Variants in HCN1 observed in about 807,000 individuals in gnomAD.
The protein encoded by HCN1 is potassium/sodium hyperpolarization-activated cyclic nucleotide-gated channel 1.
Under a neutral mutation model 78.9 loss-of-function variants are expected in HCN1, and 13 were observed. The ratio of observed to expected loss-of-function variants is 0.16; its 90% confidence interval spans 0.11 to 0.26. The LOEUF is 0.26. HCN1 is among the 10% of genes least tolerant of loss of function. The pLI is 1.00. For missense variants in HCN1, 810 were observed against 1,154.3 expected (o/e 0.70, Z 4.32); for synonymous variants, 552 against 455.5 (o/e 1.21, Z -2.70).
At chr5:45,360,188 A>G (rs142646718) in intron 4 of HCN1, among the ~76,000 whole-genome samples, 2 of 151,744 alleles carry the variant, frequency 1.3e-5, no homozygotes, top group African/African-American at 4.8e-5. Flanking sequence ...CAATGCTAAA[A>G]TGGTTTCTGA....
chr5:45,255,442 C>A lies in HCN1; in HGVS notation c.*6479G>T, dbSNP rs1469871740. ...GGGGATCTTGCCCAAAAGCGGACTT[C>A]TGTAGGTACAGGGTAAGGCCAAGGA... On this transcript the variant is annotated 3_prime_UTR_variant, in exon 8 of 8. Transcript: ENST00000303230. 1 of 152,198 alleles carries A rather than the reference C, an allele frequency of 6.6e-6. No individual in the cohort carries two copies. Among genetic ancestry groups the A allele is most frequent in the Non-Finnish European group, 1.5e-5 (1 of 68,056 alleles). 9.4% of individuals were successfully genotyped at this position (152,198 alleles called of 1,614,324 possible).
At chr5:45,396,838 A>G (rs1739697237) in intron 3 of HCN1, 128 bp from the exon 4 acceptor site, 5 of 742,338 alleles carry the variant, frequency 6.7e-6, no homozygotes, top group Non-Finnish European at 7.3e-6. Flanking sequence ...TGGAGCATTT[A>G]CAAATGTACT....
At position 45,501,436 on chromosome 5, in the gene HCN1, G is replaced by A. The variant is rs368087610; in HGVS notation, c.850-39429C>T. On this transcript the variant is annotated intron_variant, in intron 2 of 7. Coordinates refer to ENST00000303230, the MANE Select transcript of HCN1 (RefSeq NM_021072.4). ...CTGAAACAAATTTCACTTTTTTTTTGTTTGTTTTGTTTTTTGAGACGGAGT... is the reference window on the plus strand; with the variant it reads ...CTGAAACAAATTTCACTTTTTTTTTATTTGTTTTGTTTTTTGAGACGGAGT... 8.0e-5 allele frequency among the ~76,000 whole-genome samples: 12 copies of A among 150,232 alleles called. 1 individual carries two copies. Among genetic ancestry groups the A allele is most frequent in the African/African-American group, 2.7e-4 (11 of 40,962 alleles).
intron 2 of HCN1, among the ~76,000 whole-genome samples, chr5:45,588,266 G>C (rs1744280746): frequency 6.6e-6 from 1 of 152,122 alleles, no homozygotes; most frequent in Non-Finnish European, 1.5e-5. Context: ...TACACTAGAA[G>C]ACACAATGAA....
At chr5:45,654,676 T>A (rs533563538) in intron 1 of HCN1, among the ~76,000 whole-genome samples, 1 of 152,266 alleles carries the variant, frequency 6.6e-6, no homozygotes, top group African/African-American at 2.4e-5. Flanking sequence ...ATGACACATA[T>A]ATTGAAGACA....
chr5:45,687,588 T>C (rs180783415), intron 1 of HCN1, among the ~76,000 whole-genome samples: 15 of 152,300 alleles, frequency 9.8e-5, no homozygotes, highest in Non-Finnish European at 1.8e-4. Context: ...TTTATGAAGA[T>C]ATCATTTGTG....
intron 1 of HCN1, among the ~76,000 whole-genome samples, chr5:45,661,096 C>CA (rs1247108367): frequency 9.5e-5 from 14 of 147,928 alleles, no homozygotes; most frequent in African/African-American, 1.5e-4. Context: ...GAAATTATAA[C>CA]AAACTGTCTC....
intron 4 of HCN1, among the ~76,000 whole-genome samples, chr5:45,365,665 C>A (rs1168541415): frequency 6.6e-6 from 1 of 151,810 alleles, no homozygotes; most frequent in Non-Finnish European, 1.5e-5. Flanking sequence ...GTGCAGGTGT[C>A]TTTTTTATAC....
chr5:45,275,741 C>T (rs759836980), intron 6 of HCN1, among the ~76,000 whole-genome samples: 10 of 152,066 alleles, frequency 6.6e-5, no homozygotes, highest in Non-Finnish European at 1.3e-4. Context: ...CGTGTTAGCC[C>T]ATGTGACATA....
chr5:45,422,466 T>C (rs985541314), intron 3 of HCN1, among the ~76,000 whole-genome samples: 2 of 152,186 alleles, frequency 1.3e-5, no homozygotes, highest in Non-Finnish European at 2.9e-5. Flanking sequence ...TCTACCCTCA[T>C]AACTCACTTA....
At chr5:45,553,550 T>G (rs958943074) in intron 2 of HCN1, among the ~76,000 whole-genome samples, 1 of 151,878 alleles carries the variant, frequency 6.6e-6, no homozygotes, top group Admixed American at 6.6e-5. Flanking sequence ...CCCCCACCCA[T>G]AGGGTATTGG....
intron 1 of HCN1, among the ~76,000 whole-genome samples, chr5:45,650,336 C>A (rs1745651785): frequency 6.6e-6 from 1 of 152,030 alleles, no homozygotes; most frequent in Non-Finnish European, 1.5e-5. Flanking sequence ...ACTGGAATCT[C>A]TGTGGTATCC....
intron 6 of HCN1, among the ~76,000 whole-genome samples, chr5:45,285,070 C>A (rs1297806513): frequency 6.6e-6 from 1 of 151,978 alleles, no homozygotes; most frequent in Non-Finnish European, 1.5e-5. Context: ...TGGAGAGATT[C>A]CAGATCATCA....
chr5:45,297,984 GA>G (rs34697538), intron 6 of HCN1, among the ~76,000 whole-genome samples: 3 of 150,846 alleles, frequency 2.0e-5, no homozygotes, highest in Non-Finnish European at 4.4e-5. Flanking sequence ...AAGAACATCT[GA>G]AAAAAAAACT....
At position 45,488,563 on chromosome 5, in the gene HCN1, G is replaced by A. The variant is rs552981576; in HGVS notation, c.850-26556C>T. On this transcript the variant is annotated intron_variant, in intron 2 of 7. Transcript: ENST00000303230. ...GCTTTAAAAGATATACGGCATTTTCGTATTTTCATAAAATATATTGAAATG... is the reference window on the plus strand; with the variant it reads ...GCTTTAAAAGATATACGGCATTTTCATATTTTCATAAAATATATTGAAATG... Among the ~76,000 whole-genome samples the A allele has an allele frequency of 1.8e-3, 273 of 151,996 alleles. 2 individuals are homozygous for A. The highest frequency in any genetic ancestry group is 3.4e-3 in the Middle Eastern group (1 of 292).
At chr5:45,329,695 C>A (rs1746307043) in intron 5 of HCN1, among the ~76,000 whole-genome samples, 1 of 151,256 alleles carries the variant, frequency 6.6e-6, no homozygotes, top group Admixed American at 6.6e-5. Flanking sequence ...TTTAAATTAA[C>A]ACTATTTATG....
intron 2 of HCN1, among the ~76,000 whole-genome samples, chr5:45,547,837 T>C (rs1000700498): frequency 6.6e-6 from 1 of 151,924 alleles, no homozygotes; most frequent in African/African-American, 2.4e-5. Context: ...CCACTAGAAA[T>C]TGCCTTTCAG....
At chr5:45,450,340 T>C (rs546448342) in intron 3 of HCN1, among the ~76,000 whole-genome samples, 1 of 152,346 alleles carries the variant, frequency 6.6e-6, no homozygotes, top group South Asian at 2.1e-4. Flanking sequence ...GATTTCTATA[T>C]TCATACATTG....
In HCN1 at chr5:45,261,780, A is replaced by G. The variant is rs920951477; in HGVS notation, c.*141T>C. 1.0e-6 allele frequency: 1 copy of G among 998,426 alleles called. No homozygotes were observed. The highest frequency in any genetic ancestry group is 1.9e-5 in the Admixed American group (1 of 52,788). 61.8% of individuals were successfully genotyped at this position (998,426 alleles called of 1,614,324 possible). On this transcript the variant is annotated 3_prime_UTR_variant, in exon 8 of 8. Transcript: ENST00000303230. ...ATAGTATATGTATATATATTTTTAC[A>G]TTTCACGTGTAGGCCACAGCTGTCT...
Sources: gnomAD v4.1 joint callset for allele counts (sites outside exome capture counted in the v4.1 genomes callset) on GRCh38, gnomAD v4.1.1 for gene constraint, MANE v1.5 for transcripts, NCBI Gene and HGNC (gene_info 2026-07-23, HGNC 2026-07-21) for gene names.